Variants in AOPEP observed in about 807,000 individuals in gnomAD.
The protein encoded by AOPEP is aminopeptidase O.
AOPEP carries 77 observed loss-of-function variants against 98.1 expected under a neutral mutation model. That is an observed-to-expected ratio of 0.78 (90% CI 0.65 to 0.95). AOPEP has a LOEUF of 0.95. Among genes scored for constraint, AOPEP ranks in the 40% least tolerant of loss-of-function variants. The probability of loss-of-function intolerance (pLI) is 0.00; values close to 1 mark genes in which losing one functional copy is unlikely to be tolerated. For missense variants in AOPEP, 1,024 were observed against 1,024.7 expected (o/e 1.00, Z 0.01); for synonymous variants, 346 against 365.3 (o/e 0.95, Z 0.60).
At chr9:95,110,556 A>C in the AOPEP span, 1 of 1,032,446 alleles carries the variant, frequency 9.7e-7, no homozygotes, top group Non-Finnish European at 1.2e-6. Context: ...ATAAATTATC[A>C]CCAAATTTCA....
intron 5 of AOPEP, among the ~76,000 whole-genome samples, chr9:94,834,227 T>C (rs1415626911): frequency 1.3e-5 from 2 of 152,212 alleles, no homozygotes; most frequent in Non-Finnish European, 2.9e-5. Context: ...CAGGCAATCT[T>C]AGGCTCTGTA....
intron 5 of AOPEP, among the ~76,000 whole-genome samples, chr9:94,902,915 G>A (rs1311036536): frequency 1.3e-5 from 2 of 151,956 alleles, no homozygotes; most frequent in African/African-American, 2.4e-5. Context: ...GTTCACTGGT[G>A]TGGTGGTGCA....
intron 13 of AOPEP, among the ~76,000 whole-genome samples, chr9:95,043,134 G>C (rs2133616119): frequency 6.6e-6 from 1 of 151,058 alleles, no homozygotes; most frequent in South Asian, 2.1e-4. Context: ...AATAAGAAAA[G>C]GTGGGAGGTA....
At chr9:94,983,037 G>GT (rs950468231) in intron 11 of AOPEP, among the ~76,000 whole-genome samples, 13 of 149,226 alleles carry the variant, frequency 8.7e-5, no homozygotes, top group African/African-American at 2.0e-4. Context: ...TTTTGTTTTT[G>GT]TTTTTTTTGA....
intron 5 of AOPEP, among the ~76,000 whole-genome samples, chr9:94,899,146 G>T (rs561857209): frequency 1.3e-4 from 19 of 150,960 alleles, no homozygotes; most frequent in Admixed American, 7.3e-4. Context: ...GAGGACTGAT[G>T]GGAGGAGGGA....
At chr9:94,783,607 G>T (rs1423761099) in intron 3 of AOPEP, among the ~76,000 whole-genome samples, 1 of 152,180 alleles carries the variant, frequency 6.6e-6, no homozygotes, top group African/African-American at 2.4e-5. Context: ...AGTGGAGAAG[G>T]AGGCCAGGAG....
rs896109728 is a variant in AOPEP at position 94,930,862 on chromosome 9, G to T, written c.1661+2331G>T. Among the ~76,000 whole-genome samples the T allele has an allele frequency of 1.3e-5, 2 of 152,104 alleles. No individual in the cohort carries two copies. The highest frequency in any genetic ancestry group is 6.5e-5 in the Admixed American group (1 of 15,272). On this transcript the variant is annotated intron_variant, in intron 7 of 16. Transcript: ENST00000375315. This position sits in a 1 kb window ranked among gnomAD's most constrained non-coding sequence, Gnocchi z 4.5. ...GTGTGTTGGCCCAGGAAGCGAGACT[G>T]GGAAGGTAGCAGAGGGACATGAGGG...
the AOPEP span, among the ~76,000 whole-genome samples, chr9:95,112,451 T>G: frequency 6.6e-6 from 1 of 152,218 alleles, no homozygotes. Context: ...TGGACACTGC[T>G]GTCCTCCTGC....
the AOPEP span, among the ~76,000 whole-genome samples, chr9:95,096,801 A>G: frequency 6.6e-6 from 1 of 152,182 alleles, no homozygotes; most frequent in Non-Finnish European, 1.5e-5. Context: ...AGTGCGTGGT[A>G]CGCTTCACTT....
At chr9:95,097,440 G>C in the AOPEP span, among the ~76,000 whole-genome samples, 2 of 152,184 alleles carry the variant, frequency 1.3e-5, no homozygotes, top group African/African-American at 2.4e-5. Flanking sequence ...TCCATCTGAT[G>C]CACCTGGGCA....
At chr9:95,012,598 G>T (rs896173088) in intron 13 of AOPEP, among the ~76,000 whole-genome samples, 2 of 152,148 alleles carry the variant, frequency 1.3e-5, no homozygotes, top group Admixed American at 1.3e-4. Context: ...TCTGTAGCAC[G>T]TACTGATGTC....
At chr9:95,097,732 G>C in the AOPEP span, among the ~76,000 whole-genome samples, 4 of 152,210 alleles carry the variant, frequency 2.6e-5, no homozygotes, top group Non-Finnish European at 5.9e-5. Context: ...AGGAGCGGGA[G>C]GGAAGGCCTT....
At chr9:94,870,533 T>C (rs1273168714) in intron 5 of AOPEP, among the ~76,000 whole-genome samples, 1 of 152,094 alleles carries the variant, frequency 6.6e-6, no homozygotes, top group Non-Finnish European at 1.5e-5. Flanking sequence ...GGTCCCAGAT[T>C]TGGTGATGGG....
intron 5 of AOPEP, among the ~76,000 whole-genome samples, chr9:94,875,044 C>T (rs1337110122): frequency 6.6e-6 from 1 of 152,046 alleles, no homozygotes; most frequent in African/African-American, 2.4e-5. Flanking sequence ...AAATAGGCTG[C>T]CAGTAATTGG....
At chr9:94,760,771 G>C in intron 2 of AOPEP, 191 bp downstream of exon 2, 1 of 455,142 alleles carries the variant, frequency 2.2e-6, no homozygotes, top group Non-Finnish European at 3.8e-6. Context: ...AATAGGATTA[G>C]CTCCCTTAAG....
downstream of AOPEP, among the ~76,000 whole-genome samples, chr9:95,090,805 T>G (rs1448075783): frequency 6.6e-6 from 1 of 152,188 alleles, no homozygotes; most frequent in Non-Finnish European, 1.5e-5. Flanking sequence ...AGGTCCCAGC[T>G]CAGCTTCCTT....
chr9:95,097,240 G>A, the AOPEP span, among the ~76,000 whole-genome samples: 1 of 152,224 alleles, frequency 6.6e-6, no homozygotes, highest in Non-Finnish European at 1.5e-5. Context: ...AAATGCTCTG[G>A]CATAGGCTAA....
intron 5 of AOPEP, among the ~76,000 whole-genome samples, chr9:94,911,890 C>T (rs2052092182): frequency 6.6e-6 from 1 of 152,108 alleles, no homozygotes; most frequent in Non-Finnish European, 1.5e-5. Context: ...GAAAAGTATA[C>T]ATCTTAGCAT....
At chr9:95,082,529 G>A (rs775238960) in intron 15 of AOPEP, 46 bp from the exon 16 acceptor site, 4 of 1,604,108 alleles carry the variant, frequency 2.5e-6, no homozygotes, top group Non-Finnish European at 3.4e-6. Context: ...GTGTGTGTGG[G>A]TACCCACACC....
Sources: allele counts gnomAD v4.1 joint callset (sites outside exome capture counted in the v4.1 genomes callset), GRCh38; gene constraint gnomAD v4.1.1; non-coding constraint Gnocchi (gnomAD v3.1); transcripts MANE v1.5; gene names NCBI Gene and HGNC (gene_info 2026-07-23, HGNC 2026-07-21).